Variants in KCNIP1 observed in about 807,000 individuals in gnomAD.
KCNIP1 encodes potassium voltage-gated channel interacting protein 1.
In KCNIP1, 18 loss-of-function variants were observed where a neutral mutation model predicts 33.0. The observed-to-expected ratio is 0.55, with a 90% CI of 0.38 to 0.81. KCNIP1 has a LOEUF of 0.81. Among genes scored for constraint, KCNIP1 ranks in the 30% least tolerant of loss-of-function variants. KCNIP1 has a pLI of 0.00. For missense variants in KCNIP1, 238 were observed against 271.6 expected, an observed-to-expected ratio of 0.88 and a Z score of 0.87; for synonymous variants, 93 against 98.3, an observed-to-expected ratio of 0.95 and a Z score of 0.32.
chr5:170,589,385 T>C (rs1486670219), intron 1 of KCNIP1, among the ~76,000 whole-genome samples: 1 of 152,214 alleles, frequency 6.6e-6, no homozygotes, highest in African/African-American at 2.4e-5. Context: ...CTGTTTTAAT[T>C]AGGTATTCAG....
intron 1 of KCNIP1, among the ~76,000 whole-genome samples, chr5:170,416,555 G>A (rs919336774): frequency 3.9e-5 from 6 of 152,220 alleles, no homozygotes; most frequent in Non-Finnish European, 8.8e-5. Context: ...CAGAGCTGGT[G>A]TTGAAGGTCT....
At chr5:170,376,485 T>C (rs1026428980) in intron 1 of KCNIP1, 3 of 152,122 alleles carry the variant, frequency 2.0e-5, no homozygotes, top group Non-Finnish European at 4.4e-5. Context: ...TTACTAACAA[T>C]AGCTCTTTTT....
At chr5:170,663,343 A>G (rs1303723631) in intron 1 of KCNIP1, among the ~76,000 whole-genome samples, 3 of 151,874 alleles carry the variant, frequency 2.0e-5, no homozygotes, top group Non-Finnish European at 2.9e-5. Flanking sequence ...GACAGAGGCT[A>G]CTCTCCCACC....
intron 1 of KCNIP1, among the ~76,000 whole-genome samples, chr5:170,691,886 A>G (rs1308686630): frequency 6.6e-6 from 1 of 152,160 alleles, no homozygotes; most frequent in Non-Finnish European, 1.5e-5. Flanking sequence ...CAGGAATTCA[A>G]TATAGAAAAC....
chr5:170,661,778 C>T (rs527943147), intron 1 of KCNIP1, among the ~76,000 whole-genome samples: 5 of 152,182 alleles, frequency 3.3e-5, no homozygotes, highest in African/African-American at 4.8e-5. Flanking sequence ...ATTTTTGAAC[C>T]GGCAAATATA....
At chr5:170,517,126 G>C (rs1422879357) in intron 1 of KCNIP1, among the ~76,000 whole-genome samples, 1 of 152,140 alleles carries the variant, frequency 6.6e-6, no homozygotes, top group Non-Finnish European at 1.5e-5. Context: ...AGTTCTACAG[G>C]CTTTCCAGGA....
intron 1 of KCNIP1, among the ~76,000 whole-genome samples, chr5:170,547,210 C>T (rs2113399710): frequency 6.6e-6 from 1 of 152,302 alleles, no homozygotes; most frequent in Non-Finnish European, 1.5e-5. Context: ...ATGTTACTTT[C>T]ATCTTCTGGA....
chr5:170,604,777 C>A (rs1019479957), intron 1 of KCNIP1, among the ~76,000 whole-genome samples: 1 of 152,208 alleles, frequency 6.6e-6, no homozygotes, highest in Non-Finnish European at 1.5e-5. Context: ...GGCCTTGCCC[C>A]ACCAGAAGAC....
At chr5:170,682,341 G>A (rs897521414) in intron 1 of KCNIP1, among the ~76,000 whole-genome samples, 1 of 152,178 alleles carries the variant, frequency 6.6e-6, no homozygotes, top group African/African-American at 2.4e-5. Flanking sequence ...TTTGAATTCA[G>A]TTTTGTGGGT....
At chr5:170,650,182 T>A (rs1195085978) in intron 1 of KCNIP1, among the ~76,000 whole-genome samples, 2 of 152,196 alleles carry the variant, frequency 1.3e-5, no homozygotes, top group South Asian at 4.1e-4. Context: ...ATAATTGAAA[T>A]ACAAAAAAAT....
Position 170,489,858 on chromosome 5 carries a change from C to T in KCNIP1, c.88+135894C>T, listed in dbSNP as rs1757171794. On this transcript the variant is annotated intron_variant, in intron 1 of 7. Coordinates refer to the KCNIP1 transcript ENST00000377360. The surrounding 1 kb of genome is among the most constrained non-coding windows in gnomAD (Gnocchi z 4.3). ...AAGAAACTGGAGAACTGAGGGTCTC[C>T]CCCAGGTCTGCCCTCCAACTGCCCC... Among the ~76,000 whole-genome samples the T allele has an allele frequency of 6.6e-6, 1 of 152,180 alleles. No homozygotes were observed.
At chr5:170,592,614 C>T (rs1366517895) in intron 1 of KCNIP1, among the ~76,000 whole-genome samples, 1 of 152,206 alleles carries the variant, frequency 6.6e-6, no homozygotes, top group Non-Finnish European at 1.5e-5. Context: ...ATCTTTGGCA[C>T]AGTGGCAGCC....
chr5:170,503,098 TGA>T (rs1310429098), upstream of KCNIP1, among the ~76,000 whole-genome samples: 5 of 151,616 alleles, frequency 3.3e-5, no homozygotes, highest in African/African-American at 9.7e-5. Context: ...AACAGAAAAA[TGA>T]GAGAGCAGGC....
intron 1 of KCNIP1, among the ~76,000 whole-genome samples, chr5:170,475,429 T>G (rs80283856): frequency 0.081 from 12,311 of 152,192 alleles, 587 homozygotes; most frequent in East Asian, 0.28. Flanking sequence ...AGGAGGGCGG[T>G]GCTGGGAGGA....
At position 170,353,825 on chromosome 5, in the gene KCNIP1, G is replaced by T. The variant is rs73325606; in HGVS notation, c.-52G>T. On this transcript the variant is annotated 5_prime_UTR_variant, in exon 1 of 8. Transcript: ENST00000377360. ...CCAAGTTCCTGGGGTGCACAAGGTG[G>T]GCACTGTCCCTTCTGGGTGCTGACA... The T allele has an allele frequency of 2.6e-6, 4 of 1,549,024 alleles. No homozygotes were observed. The Admixed American group carries it at 6.8e-5, about 26-fold the overall frequency.
At chr5:170,475,688 C>T (rs1159288192) in intron 1 of KCNIP1, among the ~76,000 whole-genome samples, 1 of 152,166 alleles carries the variant, frequency 6.6e-6, no homozygotes, top group Non-Finnish European at 1.5e-5. Flanking sequence ...GTGGGGGGTT[C>T]TTATTTGAGA....
At chr5:170,369,304 T>C (rs1763783673) in intron 1 of KCNIP1, among the ~76,000 whole-genome samples, 1 of 152,214 alleles carries the variant, frequency 6.6e-6, no homozygotes. Flanking sequence ...ATGGAATGTA[T>C]GTGTGTAAAG....
chr5:170,525,232 G>A (rs1484530141), intron 1 of KCNIP1, among the ~76,000 whole-genome samples: 2 of 152,236 alleles, frequency 1.3e-5, no homozygotes, highest in Non-Finnish European at 2.9e-5. Flanking sequence ...GAGGGGCTAA[G>A]AGCATGCGCT....
chr5:170,597,632 A>G (rs6555905), intron 1 of KCNIP1, among the ~76,000 whole-genome samples: 125,430 of 151,584 alleles, frequency 0.83, 52,272 homozygotes, highest in East Asian at 0.99. Context: ...AATTCCCTCA[A>G]GCAGATTCTC....
Sources: gnomAD v4.1 joint callset for allele counts (sites outside exome capture counted in the v4.1 genomes callset) on GRCh38, gnomAD v4.1.1 for gene constraint, Gnocchi (gnomAD v3.1) non-coding constraint, MANE v1.5 for transcripts, NCBI Gene and HGNC (gene_info 2026-07-23, HGNC 2026-07-21) for gene names.